CNTNAP2: variants seen among roughly 807,000 people sequenced by gnomAD.
CNTNAP2 encodes contactin-associated protein-like 2.
CNTNAP2 carries 98 observed loss-of-function variants against 155.2 expected under a neutral mutation model. The ratio of observed to expected loss-of-function variants is 0.63; its 90% CI spans 0.54 to 0.75. The LOEUF is 0.75. Ranked by LOEUF, CNTNAP2 falls within the 30% of genes least tolerant of loss-of-function variation. The pLI, the probability that CNTNAP2 is intolerant of heterozygous loss-of-function variation, is 0.00. For missense variants in CNTNAP2, 1,727 were observed against 1,688.1 expected (o/e 1.02, Z -0.40); for synonymous variants, 651 against 631.2 (o/e 1.03, Z -0.47).
At chr7:147,455,955 T>G (rs1426278581) in intron 10 of CNTNAP2, among the ~76,000 whole-genome samples, 2 of 152,090 alleles carry the variant, frequency 1.3e-5, no homozygotes, top group Admixed American at 1.3e-4. Context: ...TGAAAAGGCA[T>G]CAGACAAAAT....
At chr7:148,308,820 T>C (rs1274440887) in intron 21 of CNTNAP2, among the ~76,000 whole-genome samples, 1 of 145,168 alleles carries the variant, frequency 6.9e-6, no homozygotes, top group Non-Finnish European at 1.5e-5. Context: ...AGTGAGAACA[T>C]GCAGTGTTTG....
chr7:148,069,223 G>A (rs186134212), intron 15 of CNTNAP2, among the ~76,000 whole-genome samples: 91 of 152,268 alleles, frequency 6.0e-4, no homozygotes, highest in Admixed American at 3.5e-3. Context: ...GAAGTTTCTA[G>A]TCTTATGATT....
At position 146,425,921 on chromosome 7, in the gene CNTNAP2, C is replaced by T. The variant is rs1796080136; in HGVS notation, c.97+308948C>T. On this transcript the variant is annotated intron_variant, in intron 1 of 23. Transcript: ENST00000361727. ...CAAAAAAAGGCTGGGCCTGGTGGCT[C>T]ATGCCTATAATCCCAGCACTTTGGG... Among the ~76,000 whole-genome samples the T allele has an allele frequency of 2.6e-5, 4 of 151,924 alleles. 1 individual carries two copies. The South Asian group carries it at 8.3e-4, about 31-fold the overall frequency.
intron 13 of CNTNAP2, among the ~76,000 whole-genome samples, chr7:147,709,141 G>C (rs560963184): frequency 6.6e-6 from 1 of 152,102 alleles, no homozygotes. Flanking sequence ...CCAAGGTTAC[G>C]CTCTTCTCTC....
chr7:146,399,902 C>T (rs1397745829), intron 1 of CNTNAP2, among the ~76,000 whole-genome samples: 1 of 152,000 alleles, frequency 6.6e-6, no homozygotes, highest in Non-Finnish European at 1.5e-5. Context: ...TTGCTTGTTG[C>T]TTATTTTGGG....
chr7:147,875,082 C>A (rs146352379), intron 13 of CNTNAP2, among the ~76,000 whole-genome samples: 4,997 of 152,278 alleles, frequency 0.033, 132 homozygotes, highest in Non-Finnish European at 0.053. Context: ...TTCTTCTGAG[C>A]CTTCCAAACT....
chr7:146,988,518 C>T (rs976033166), intron 3 of CNTNAP2, among the ~76,000 whole-genome samples: 7 of 152,124 alleles, frequency 4.6e-5, no homozygotes, highest in South Asian at 2.1e-4. Context: ...TGGTATGATT[C>T]GAGATTTCAC....
rs551486831 is a variant in CNTNAP2 at position 146,526,435 on chromosome 7, G to A, written c.98-247836G>A. 3.1e-3 allele frequency among the ~76,000 whole-genome samples: 471 copies of A among 152,236 alleles called. 3 individuals are homozygous for A. The highest frequency in any genetic ancestry group is 4.9e-3 in the Non-Finnish European group (331 of 68,024). On this transcript the variant is annotated intron_variant, in intron 1 of 23. Coordinates refer to ENST00000361727, the MANE Select transcript of CNTNAP2 (RefSeq NM_014141.6). ...ACATTTATGGTGGAAGGTGAAGGAA[G>A]GGCAGATGTGTCACATGGCAGAAGC...
intron 16 of CNTNAP2, among the ~76,000 whole-genome samples, chr7:148,125,695 A>G (rs527307871): frequency 0.033 from 4,859 of 146,104 alleles, 267 homozygotes; most frequent in African/African-American, 0.12. Flanking sequence ...GTGTGTATAT[A>G]TATATAGTTT....
intron 1 of CNTNAP2, among the ~76,000 whole-genome samples, chr7:146,164,228 C>T (rs73737989): frequency 1.3e-5 from 2 of 151,750 alleles, no homozygotes; most frequent in African/African-American, 4.9e-5. Context: ...AACATTTGCC[C>T]TATTAAATAT....
intron 8 of CNTNAP2, among the ~76,000 whole-genome samples, chr7:147,226,006 T>TGAAA (rs529591434): frequency 2.7e-5 from 4 of 150,034 alleles, no homozygotes; most frequent in Non-Finnish European, 5.9e-5. Context: ...AAAGAAAGAA[T>TGAAA]GAAAGAAAGA....
At chr7:146,129,865 C>T (rs1375125067) in intron 1 of CNTNAP2, among the ~76,000 whole-genome samples, 1 of 151,844 alleles carries the variant, frequency 6.6e-6, no homozygotes, top group Non-Finnish European at 1.5e-5. Flanking sequence ...TGAATCATTC[C>T]AATTAGTCCA....
chr7:147,272,658 C>T lies in CNTNAP2; in HGVS notation c.1349-27483C>T, dbSNP rs563613452. 6.6e-5 allele frequency among the ~76,000 whole-genome samples: 9 copies of T among 136,560 alleles called. No individual in the cohort carries two copies. In the South Asian group the frequency reaches 9.2e-4, roughly 14 times the overall value. 89.6% of individuals were successfully genotyped at this position (136,560 alleles called of 152,430 possible). A position where few individuals can be genotyped will look rare whatever the true frequency, so the allele number is the denominator to read the frequency against. On this transcript the variant is annotated intron_variant, in intron 8 of 23. Transcript: ENST00000361727. Reference sequence around the variant, plus strand: ...GGACTACAGGCGCCGCCACCACGCCCGGCTAATTTTTTTTTTTTTTTTGTA... The same window carrying T: ...GGACTACAGGCGCCGCCACCACGCCTGGCTAATTTTTTTTTTTTTTTTGTA...
chr7:146,951,910 T>C lies in CNTNAP2; in HGVS notation c.403-91997T>C, dbSNP rs1797321472. 2.6e-5 allele frequency among the ~76,000 whole-genome samples: 4 copies of C among 152,110 alleles called. No homozygotes were observed. In the South Asian group the frequency reaches 8.3e-4, roughly 32 times the overall value. On this transcript the variant is annotated intron_variant, in intron 3 of 23. Transcript: ENST00000361727. ...GTATGGCCATTTTCGCGATATTGAT[T>C]CTTCCTATCCATGAGCATGGAATGT...
chr7:146,577,967 G>T (rs1798550343), intron 1 of CNTNAP2, among the ~76,000 whole-genome samples: 1 of 152,066 alleles, frequency 6.6e-6, no homozygotes, highest in Non-Finnish European at 1.5e-5. Context: ...AGTGGGAGTA[G>T]AAACCCAGGT....
At chr7:146,340,074 C>A (rs1801350982) in intron 1 of CNTNAP2, among the ~76,000 whole-genome samples, 2 of 146,696 alleles carry the variant, frequency 1.4e-5, no homozygotes, top group Non-Finnish European at 3.0e-5. Context: ...CAGGCTGAGG[C>A]AGGAGAATGG....
At chr7:148,344,519 T>G (rs907165211) in intron 21 of CNTNAP2, among the ~76,000 whole-genome samples, 1 of 152,196 alleles carries the variant, frequency 6.6e-6, no homozygotes, top group South Asian at 2.1e-4. Flanking sequence ...ATGATCTTAT[T>G]CACACAAGCA....
intron 18 of CNTNAP2, among the ~76,000 whole-genome samples, chr7:148,210,687 C>T (rs1294922841): frequency 3.3e-5 from 5 of 152,152 alleles, no homozygotes; most frequent in South Asian, 2.1e-4. Context: ...TAGAAGTGAC[C>T]GGGCCTTTGG....
chr7:147,489,483 T>G (rs1012908775), intron 11 of CNTNAP2, among the ~76,000 whole-genome samples: 1 of 152,238 alleles, frequency 6.6e-6, no homozygotes, highest in Non-Finnish European at 1.5e-5. Flanking sequence ...CCACTCTCCA[T>G]AAATCCTTTA....
Sources: gnomAD v4.1 joint callset for allele counts (sites outside exome capture counted in the v4.1 genomes callset) on GRCh38, gnomAD v4.1.1 for gene constraint, MANE v1.5 for transcripts, NCBI Gene and HGNC (gene_info 2026-07-23, HGNC 2026-07-21) for gene names.